The following ADAP1 variants were observed in gnomAD, a reference collection of about 807,000 sequenced individuals.
ADAP1 encodes ArfGAP with dual PH domains 1.
A neutral mutation model predicts 54.9 loss-of-function variants in ADAP1; 31 were observed. That is an observed-to-expected ratio of 0.56 (90% CI 0.42 to 0.76). The LOEUF is 0.76. ADAP1 is among the 30% of genes least tolerant of loss of function. ADAP1 has a pLI of 0.00. For synonymous variants in ADAP1, 313 were observed against 202.6 expected (o/e 1.55, Z -4.63); for missense variants, 535 against 512.4 (o/e 1.04, Z -0.42).
intron 1 of ADAP1, among the ~76,000 whole-genome samples, chr7:936,722 C>G (rs1846770986): frequency 6.6e-6 from 1 of 152,234 alleles, no homozygotes; most frequent in South Asian, 2.1e-4. Flanking sequence ...TGAGTCATCT[C>G]TGAACTGCTT....
rs1273061691 is a variant in ADAP1 at position 919,965 on chromosome 7, C to T, written c.388+3G>A. 4.4e-6 allele frequency: 7 copies of T among 1,603,498 alleles called. No individual in the cohort carries two copies. The Admixed American group carries it at 8.4e-5, about 19-fold the overall frequency. ...AGGCCCCACCCCACCCGGGTGGCCT[C>T]ACCTGCCGAGTAGGGCTCCTGCTTC... On this transcript the variant is annotated splice_donor_region_variant and intron_variant, in intron 4 of 10. Coordinates refer to ENST00000265846, the MANE Select transcript of ADAP1 (RefSeq NM_006869.4).
Position 905,188 on chromosome 7 carries a change from G to T in ADAP1, c.389-16C>A. On this transcript the variant is annotated splice_polypyrimidine_tract_variant and intron_variant, in intron 4 of 10. Coordinates refer to ENST00000265846, the MANE Select transcript of ADAP1 (RefSeq NM_006869.4). ...TCACGGTACCCTGTGGGGGAAAGGG[G>T]ACACGAGTCGGTGACAGTGGATGGG... The T allele has an allele frequency of 6.2e-7, 1 of 1,603,222 alleles. No homozygotes were observed. The highest frequency in any genetic ancestry group is 1.1e-5 in the South Asian group (1 of 90,918).
chr7:931,679 C>G (rs1306813673), intron 2 of ADAP1, among the ~76,000 whole-genome samples: 1 of 151,214 alleles, frequency 6.6e-6, no homozygotes, highest in Non-Finnish European at 1.5e-5. Flanking sequence ...AAACCTTCAA[C>G]TGTGCCCTTT....
At chr7:904,060 G>T in intron 6 of ADAP1, 66 bp downstream of exon 6, 2 of 1,594,698 alleles carry the variant, frequency 1.3e-6, no homozygotes, top group Non-Finnish European at 1.7e-6. Context: ...CCACCTTCCT[G>T]CGCCACCCGG....
intron 1 of ADAP1, among the ~76,000 whole-genome samples, chr7:939,469 C>A (rs186886104): frequency 6.6e-6 from 1 of 152,016 alleles, no homozygotes; most frequent in African/African-American, 2.4e-5. Context: ...CCGCCTGCCT[C>A]GGCCTCACAA....
intron 2 of ADAP1, among the ~76,000 whole-genome samples, chr7:929,399 G>A (rs771845476): frequency 1.3e-5 from 2 of 151,398 alleles, no homozygotes; most frequent in Non-Finnish European, 2.9e-5. Flanking sequence ...ACCACGAATC[G>A]GCCGCACGTG....
At chr7:899,358 G>A (rs1242096498) in intron 9 of ADAP1, 61 bp downstream of exon 9, 31 of 1,606,450 alleles carry the variant, frequency 1.9e-5, no homozygotes, top group Middle Eastern at 3.3e-4. Context: ...TCCTGGTCAC[G>A]CATCTGGCAA....
rs1310377210 is a variant in ADAP1 at position 954,653 on chromosome 7, G to A, written c.-176C>T. On this transcript the variant is annotated 5_prime_UTR_variant, in exon 1 of 11. In the 5' UTR this introduces an upstream ATG that the reference lacks. Transcript: ENST00000265846. ...CCTCTGGGCTCCGCCGCCGCCGCTC[G>A]TGTCTCCGCCGCGGTCGCTGAGCGA... 1.0e-6 allele frequency: 1 copy of A among 982,568 alleles called. No individual in the cohort carries two copies. Among genetic ancestry groups the A allele is most frequent in the African/African-American group, 1.8e-5 (1 of 56,830 alleles). The allele number at this position is 982,568 out of a possible 1,614,324, so 60.9% of individuals were successfully genotyped here. A position where few individuals can be genotyped will look rare whatever the true frequency, so the allele number is the denominator to read the frequency against.
intron 2 of ADAP1, among the ~76,000 whole-genome samples, chr7:932,943 C>G (rs1269246907): frequency 1.3e-5 from 2 of 152,118 alleles, no homozygotes; most frequent in Admixed American, 1.3e-4. Context: ...CAGGCTGGAG[C>G]ACAAAGGTGC....
intron 2 of ADAP1, among the ~76,000 whole-genome samples, chr7:929,721 G>C (rs115059108): frequency 0.016 from 2,397 of 152,186 alleles, 52 homozygotes; most frequent in African/African-American, 0.054. Flanking sequence ...TGGTCGTGCA[G>C]CCCTGTGGCT....
At chr7:943,186 G>C (rs1233403614) in intron 1 of ADAP1, among the ~76,000 whole-genome samples, 4 of 68,556 alleles carry the variant, frequency 5.8e-5, no homozygotes, top group Admixed American at 2.6e-4. Context: ...ATGAGGAAGG[G>C]AGAGAGGAGG....
At chr7:955,150 G>T, upstream of ADAP1, 2 of 681,022 alleles carry the variant, frequency 2.9e-6, no homozygotes, top group Non-Finnish European at 2.6e-6. Context: ...CCCAGACGGA[G>T]CCTCCCCCTG....
chr7:907,890 C>T (rs553510744), intron 4 of ADAP1, among the ~76,000 whole-genome samples: 2 of 152,012 alleles, frequency 1.3e-5, no homozygotes, highest in African/African-American at 4.8e-5. Context: ...CTCCGGAGGT[C>T]GCGGGGCCGT....
chr7:923,766 G>C (rs1168790988), intron 3 of ADAP1, among the ~76,000 whole-genome samples: 1 of 152,160 alleles, frequency 6.6e-6, no homozygotes, highest in Non-Finnish European at 1.5e-5. Flanking sequence ...GCCACTCTTA[G>C]CTCCTGCGAA....
chr7:902,673 G>T (rs1375429033), intron 6 of ADAP1, among the ~76,000 whole-genome samples: 1 of 151,606 alleles, frequency 6.6e-6, no homozygotes, highest in East Asian at 2.0e-4. Flanking sequence ...GGAAAGTGGA[G>T]GGAGGAAATC....
intron 2 of ADAP1, among the ~76,000 whole-genome samples, chr7:931,041 G>C (rs1846560515): frequency 1.3e-5 from 2 of 150,064 alleles, no homozygotes; most frequent in South Asian, 4.2e-4. Flanking sequence ...GAGGGACTGA[G>C]GGAGGGAGGG....
At chr7:952,111 C>T (rs960549670) in intron 1 of ADAP1, among the ~76,000 whole-genome samples, 2 of 152,126 alleles carry the variant, frequency 1.3e-5, no homozygotes, top group Non-Finnish European at 2.9e-5. Flanking sequence ...GCCCACCTGC[C>T]AGGCCTGTGA....
intron 1 of ADAP1, among the ~76,000 whole-genome samples, chr7:949,593 G>A (rs1032670650): frequency 7.9e-5 from 12 of 152,220 alleles, no homozygotes; most frequent in Admixed American, 2.0e-4. Flanking sequence ...GGTCACGGCC[G>A]GTGCAGCGGC....
intron 3 of ADAP1, chr7:923,223 A>T (rs770914064): frequency 6.6e-6 from 1 of 151,882 alleles, no homozygotes; most frequent in African/African-American, 2.4e-5. Flanking sequence ...AGCCCCAGAC[A>T]TGCATGCAGA....
Sources: allele counts gnomAD v4.1 joint callset (sites outside exome capture counted in the v4.1 genomes callset), GRCh38; gene constraint gnomAD v4.1.1; transcripts MANE v1.5; gene names NCBI Gene and HGNC (gene_info 2026-07-23, HGNC 2026-07-21).